The following SEMA6D variants were observed in gnomAD, a reference collection of about 807,000 sequenced individuals.
SEMA6D encodes semaphorin 6D.
Under a neutral mutation model 106.6 loss-of-function variants are expected in SEMA6D, and 35 were observed. The ratio of observed to expected loss-of-function variants is 0.33; its 90% CI spans 0.25 to 0.44. The LOEUF (loss-of-function observed/expected upper bound fraction) is 0.44. SEMA6D is among the 20% of genes least tolerant of loss of function. The pLI is 1.00. For synonymous variants in SEMA6D, 499 were observed against 487.7 expected (o/e 1.02, Z -0.31); for missense variants, 1,185 against 1,345.9 (o/e 0.88, Z 1.87).
At chr15:47,672,430 G>A (rs146214840) in intron 4 of SEMA6D, among the ~76,000 whole-genome samples, 238 of 152,266 alleles carry the variant, frequency 1.6e-3, no homozygotes, top group African/African-American at 5.3e-3. Flanking sequence ...AGAAAAAGCC[G>A]AAGTTATACA....
chr15:47,426,175 A>G (rs1351462101), intron 2 of SEMA6D, among the ~76,000 whole-genome samples: 1 of 151,854 alleles, frequency 6.6e-6, no homozygotes, highest in African/African-American at 2.4e-5. Context: ...GAGTTTTTTT[A>G]ATTTATGTTT....
chr15:47,502,813 T>G (rs1306820235), intron 3 of SEMA6D, among the ~76,000 whole-genome samples: 3 of 152,194 alleles, frequency 2.0e-5, no homozygotes, highest in Non-Finnish European at 4.4e-5. Flanking sequence ...ACTATTAGGT[T>G]GAAGAAAAAG....
chr15:47,271,052 A>T (rs1224596860), intron 1 of SEMA6D, among the ~76,000 whole-genome samples: 1 of 152,328 alleles, frequency 6.6e-6, no homozygotes, highest in African/African-American at 2.4e-5. Context: ...GCTTATTTAC[A>T]GTCCTCATTT....
chr15:47,735,089 A>G (rs1323037016), intron 1 of SEMA6D, among the ~76,000 whole-genome samples: 5 of 152,196 alleles, frequency 3.3e-5, no homozygotes, highest in South Asian at 4.1e-4. Context: ...TAAAACTCTA[A>G]TATACAAATA....
Position 47,490,116 on chromosome 15 carries a change from T to C in SEMA6D, c.-87+19571T>C, listed in dbSNP as rs1029561209. On this transcript the variant is annotated intron_variant, in intron 3 of 19. Coordinates refer to the SEMA6D transcript ENST00000558014. ...TTTGCTGTCTGTGTCACAGTAGATA[T>C]CATACTATTTTGTAATCACTTACCT... is the stretch of plus-strand genomic sequence containing the variant. Among the ~76,000 whole-genome samples the C allele has an allele frequency of 2.0e-5, 3 of 152,200 alleles. No individual in the cohort carries two copies. The East Asian group carries it at 5.8e-4, about 29-fold the overall frequency.
chr15:47,755,659 T>G (rs1011271846), intron 1 of SEMA6D, among the ~76,000 whole-genome samples: 1 of 151,934 alleles, frequency 6.6e-6, no homozygotes, highest in African/African-American at 2.4e-5. Flanking sequence ...TCTTCTAGAG[T>G]GTAGCTTGTC....
intron 1 of SEMA6D, among the ~76,000 whole-genome samples, chr15:47,228,881 A>T (rs879510758): frequency 3.3e-5 from 5 of 152,062 alleles, no homozygotes; most frequent in Non-Finnish European, 7.4e-5. Context: ...GACCATGAAT[A>T]AATTATTCTC....
chr15:47,219,939 A>G (rs915463310), intron 1 of SEMA6D, among the ~76,000 whole-genome samples: 1 of 152,082 alleles, frequency 6.6e-6, no homozygotes, highest in African/African-American at 2.4e-5. Context: ...GGGTGGGATA[A>G]ATGGTGTGGT....
At chr15:47,222,079 C>T (rs1355669702) in intron 1 of SEMA6D, among the ~76,000 whole-genome samples, 1 of 152,062 alleles carries the variant, frequency 6.6e-6, no homozygotes, top group Non-Finnish European at 1.5e-5. Context: ...ACTCCTGAAC[C>T]AACTGAGTGG....
At chr15:47,632,334 G>A (rs2077307696) in intron 4 of SEMA6D, among the ~76,000 whole-genome samples, 2 of 151,944 alleles carry the variant, frequency 1.3e-5, no homozygotes, top group East Asian at 3.9e-4. Context: ...TTGGTTAATT[G>A]TATTGTTCAG....
chr15:47,274,310 A>C (rs2034701237), intron 1 of SEMA6D: 2 of 152,180 alleles, frequency 1.3e-5, no homozygotes, highest in African/African-American at 4.8e-5. Flanking sequence ...AGCCTTGAAA[A>C]GAAGAGGAGG....
Position 47,299,129 on chromosome 15 carries a change from C to T in SEMA6D, c.-238-113264C>T, listed in dbSNP as rs910520873. Among the ~76,000 whole-genome samples, 5 of 152,192 alleles carry T rather than the reference C, an allele frequency of 3.3e-5. No individual in the cohort carries two copies. In the South Asian group the frequency reaches 1.0e-3, roughly 32 times the overall value. On this transcript the variant is annotated intron_variant, in intron 1 of 19. Transcript: ENST00000558014. The stretch of plus-strand genomic sequence containing the variant: ...TCAAGGTGACTGCTGGGTGGGTGGG[C>T]ATCAGGTGAACATATGGGTTAGTCT...
intron 4 of SEMA6D, among the ~76,000 whole-genome samples, chr15:47,633,616 G>A (rs1466509230): frequency 6.6e-6 from 1 of 152,052 alleles, no homozygotes; most frequent in Non-Finnish European, 1.5e-5. Context: ...ATTTCATTAG[G>A]TTTATTCTAT....
At chr15:47,268,550 A>G (rs994426154) in intron 1 of SEMA6D, among the ~76,000 whole-genome samples, 22 of 152,104 alleles carry the variant, frequency 1.4e-4, no homozygotes, top group African/African-American at 5.3e-4. Context: ...AGATTCCATT[A>G]AATGTCTGAC....
chr15:47,613,821 A>T (rs1034791912), intron 4 of SEMA6D, among the ~76,000 whole-genome samples: 2 of 151,740 alleles, frequency 1.3e-5, no homozygotes, highest in African/African-American at 4.8e-5. Context: ...CGCCCAGCTA[A>T]TTTTTTTATA....
At chr15:47,557,163 AAAG>A (rs1447352539) in intron 3 of SEMA6D, among the ~76,000 whole-genome samples, 5 of 152,120 alleles carry the variant, frequency 3.3e-5, no homozygotes, top group Non-Finnish European at 7.4e-5. Context: ...GGGGAAAAGG[AAAG>A]AAGGCCTAGG....
chr15:47,482,786 T>A (rs1436572904), intron 3 of SEMA6D, among the ~76,000 whole-genome samples: 1 of 152,074 alleles, frequency 6.6e-6, no homozygotes, highest in Non-Finnish European at 1.5e-5. Context: ...AGTGAGAAGT[T>A]ATTTATTAAT....
At chr15:47,441,016 G>A (rs1219404116) in intron 2 of SEMA6D, among the ~76,000 whole-genome samples, 1 of 151,992 alleles carries the variant, frequency 6.6e-6, no homozygotes, top group Non-Finnish European at 1.5e-5. Context: ...CCTTTGAAAT[G>A]TTACCATTCC....
At chr15:47,518,270 A>T (rs1026468069) in intron 3 of SEMA6D, among the ~76,000 whole-genome samples, 5 of 152,196 alleles carry the variant, frequency 3.3e-5, no homozygotes, top group Non-Finnish European at 5.9e-5. Context: ...GGAGATATTT[A>T]AGCTAGAGAA....
Sources: allele counts gnomAD v4.1 joint callset (sites outside exome capture counted in the v4.1 genomes callset), GRCh38; gene constraint gnomAD v4.1.1; transcripts MANE v1.5; gene names NCBI Gene and HGNC (gene_info 2026-07-23, HGNC 2026-07-21).